STK32C: variants seen among roughly 807,000 people sequenced by gnomAD.
STK32C encodes the protein serine/threonine-protein kinase 32C.
STK32C carries 31 observed loss-of-function variants against 56.5 expected under a neutral mutation model. The observed-to-expected ratio is 0.55, with a 90% CI of 0.41 to 0.74. STK32C has a LOEUF of 0.74. STK32C is among the 30% of genes least tolerant of loss of function. The pLI is 0.00. For missense variants in STK32C, 544 were observed against 676.9 expected (o/e 0.80, Z 2.18); for synonymous variants, 309 against 289.4 (o/e 1.07, Z -0.69).
chr10:132,216,416 G>A (rs939784889), intron 10 of STK32C, among the ~76,000 whole-genome samples: 2 of 148,508 alleles, frequency 1.3e-5, no homozygotes, highest in Admixed American at 6.9e-5. Context: ...GTGGCAATGA[G>A]CCGCCATTGC....
intron 1 of STK32C, among the ~76,000 whole-genome samples, chr10:132,252,513 A>G (rs2063944472): frequency 6.6e-6 from 1 of 152,248 alleles, no homozygotes; most frequent in Admixed American, 6.5e-5. Context: ...ATTAAGACGC[A>G]GGTAAAAGGA....
At chr10:132,291,402 G>A (rs1182137632) in intron 1 of STK32C, among the ~76,000 whole-genome samples, 2 of 152,172 alleles carry the variant, frequency 1.3e-5, no homozygotes, top group Non-Finnish European at 2.9e-5. Context: ...TCTGCTTTCT[G>A]AGGACCCAGG....
At chr10:132,264,965 T>C (rs183821614) in intron 1 of STK32C, among the ~76,000 whole-genome samples, 22 of 152,390 alleles carry the variant, frequency 1.4e-4, no homozygotes, top group African/African-American at 5.0e-4. Context: ...GTATTTTATT[T>C]ATACTCCGCC....
At chr10:132,242,388 CTGTT>C (rs765599619) in intron 2 of STK32C, among the ~76,000 whole-genome samples, 2 of 152,142 alleles carry the variant, frequency 1.3e-5, no homozygotes, top group African/African-American at 2.4e-5. Flanking sequence ...GCGTTGTTGA[CTGTT>C]TGGAGCAGAA....
chr10:132,270,711 T>C (rs770457907), intron 1 of STK32C, among the ~76,000 whole-genome samples: 1 of 152,154 alleles, frequency 6.6e-6, no homozygotes, highest in Non-Finnish European at 1.5e-5. Flanking sequence ...TCCCTCTGCG[T>C]CTGTAACCAG....
intron 2 of STK32C, among the ~76,000 whole-genome samples, chr10:132,234,404 G>A (rs184358636): frequency 1.7e-4 from 26 of 152,290 alleles, no homozygotes; most frequent in South Asian, 2.1e-4. Flanking sequence ...CTGAAACAGC[G>A]GGGGTTCCTC....
intron 1 of STK32C, among the ~76,000 whole-genome samples, chr10:132,325,932 A>G (rs2066491002): frequency 6.6e-6 from 1 of 152,056 alleles, no homozygotes; most frequent in South Asian, 2.1e-4. Flanking sequence ...CGTGTTAGCC[A>G]GGATGTTATC....
At chr10:132,220,335 C>T (rs78144009) in intron 10 of STK32C, among the ~76,000 whole-genome samples, 1,912 of 152,308 alleles carry the variant, frequency 0.013, 42 homozygotes, top group African/African-American at 0.043. Flanking sequence ...TTTTCCTCCC[C>T]GGAGAGCCTT....
At chr10:132,209,263 C>A in intron 10 of STK32C, 162 bp from the exon 11 acceptor site, 1 of 719,630 alleles carries the variant, frequency 1.4e-6, no homozygotes, top group Non-Finnish European at 2.5e-6. Context: ...AGCCAGACTG[C>A]CCGGGAGCTC....
At chr10:132,291,562 GA>G (rs747778126) in intron 1 of STK32C, among the ~76,000 whole-genome samples, 2 of 152,196 alleles carry the variant, frequency 1.3e-5, no homozygotes, top group Non-Finnish European at 2.9e-5. Flanking sequence ...CCGCCCAATG[GA>G]GTTGGGCCTG....
intron 2 of STK32C, among the ~76,000 whole-genome samples, chr10:132,228,363 G>GC (rs1173238142): frequency 2.0e-4 from 30 of 152,134 alleles, no homozygotes; most frequent in Admixed American, 1.2e-3. Context: ...CCGTGATTCT[G>GC]CCCCCCAGAG....
chr10:132,238,857 G>A (rs150739153), intron 2 of STK32C, among the ~76,000 whole-genome samples: 55 of 152,136 alleles, frequency 3.6e-4, no homozygotes, highest in Non-Finnish European at 5.3e-4. Flanking sequence ...AGACATGCAG[G>A]CACACACACG....
intron 1 of STK32C, among the ~76,000 whole-genome samples, chr10:132,282,258 G>A (rs1027885836): frequency 3.9e-5 from 6 of 152,338 alleles, no homozygotes; most frequent in Admixed American, 6.5e-5. Flanking sequence ...CTCTCACAGC[G>A]CCCATCCCTG....
intron 10 of STK32C, 28 bp from the exon 11 acceptor site, chr10:132,209,129 T>C (rs1199293218): frequency 6.2e-7 from 1 of 1,604,770 alleles, no homozygotes; most frequent in Admixed American, 1.7e-5. Context: ...CACGTGAGCG[T>C]GGGGGACGCT....
intron 1 of STK32C, among the ~76,000 whole-genome samples, chr10:132,267,311 G>T (rs2064575142): frequency 1.3e-5 from 2 of 152,264 alleles, no homozygotes; most frequent in Non-Finnish European, 2.9e-5. Flanking sequence ...TGGAGGCCTG[G>T]AATACACCTC....
At chr10:132,309,291 G>T (rs1000442064), upstream of STK32C, among the ~76,000 whole-genome samples, 1 of 152,138 alleles carries the variant, frequency 6.6e-6, no homozygotes, top group African/African-American at 2.4e-5. Context: ...ATCCCTTGGG[G>T]ACTATAAGGA....
chr10:132,291,194 C>A (rs1404796629), intron 1 of STK32C, among the ~76,000 whole-genome samples: 1 of 152,214 alleles, frequency 6.6e-6, no homozygotes, highest in Non-Finnish European at 1.5e-5. Context: ...AGCTGGCTTG[C>A]GCTCTCTGGA....
chr10:132,235,824 T>C (rs987085088), intron 2 of STK32C, among the ~76,000 whole-genome samples: 5 of 152,170 alleles, frequency 3.3e-5, no homozygotes, highest in African/African-American at 1.2e-4. Context: ...CCTGGCGCAG[T>C]GTGATGGGAT....
At chr10:132,322,413 A>G (rs1283988467), downstream of STK32C, among the ~76,000 whole-genome samples, 1 of 152,198 alleles carries the variant, frequency 6.6e-6, no homozygotes, top group Non-Finnish European at 1.5e-5. Flanking sequence ...TCTGATGAAC[A>G]GGATTATTTC....
Sources: gnomAD v4.1 joint callset for allele counts (sites outside exome capture counted in the v4.1 genomes callset) on GRCh38, gnomAD v4.1.1 for gene constraint, MANE v1.5 for transcripts, NCBI Gene and HGNC (gene_info 2026-07-23, HGNC 2026-07-21) for gene names.